The following R3HCC1L variants were observed in gnomAD, a reference collection of about 807,000 sequenced individuals.
R3HCC1L encodes R3H domain and coiled-coil containing 1 like.
A neutral mutation model predicts 59.9 loss-of-function variants in R3HCC1L; 51 were observed. That is an observed-to-expected ratio of 0.85 (90% CI 0.68 to 1.07). The LOEUF (loss-of-function observed/expected upper bound fraction) is 1.07. Among genes scored for constraint, R3HCC1L ranks in the 50% least tolerant of loss-of-function variants. The pLI is 0.00. For synonymous variants in R3HCC1L, 322 were observed against 315.2 expected (o/e 1.02, Z -0.23); for missense variants, 965 against 933.0 (o/e 1.03, Z -0.45).
chr10:98,210,550 T>G (rs552424043), intron 5 of R3HCC1L, among the ~76,000 whole-genome samples: 1 of 152,326 alleles, frequency 6.6e-6, no homozygotes, highest in African/African-American at 2.4e-5. Context: ...GTATCCAACA[T>G]TTAAATTCCT....
chr10:98,228,159 C>T (rs1301204556), intron 5 of R3HCC1L, among the ~76,000 whole-genome samples: 3 of 152,204 alleles, frequency 2.0e-5, no homozygotes, highest in Non-Finnish European at 4.4e-5. Flanking sequence ...AATTGCCACA[C>T]TGTCTTCCAC....
intron 4 of R3HCC1L, among the ~76,000 whole-genome samples, chr10:98,177,577 C>G (rs1034597062): frequency 2.6e-5 from 4 of 152,216 alleles, no homozygotes; most frequent in African/African-American, 9.7e-5. Flanking sequence ...AATGGTATTT[C>G]TAGTTCTAGA....
At chr10:98,166,501 G>A (rs1282384789) in intron 4 of R3HCC1L, among the ~76,000 whole-genome samples, 2 of 152,076 alleles carry the variant, frequency 1.3e-5, no homozygotes, top group Non-Finnish European at 2.9e-5. Flanking sequence ...CCTCAGTTCT[G>A]TGTCTGAACT....
chr10:98,217,356 T>C (rs144750778), intron 5 of R3HCC1L, among the ~76,000 whole-genome samples: 1 of 152,296 alleles, frequency 6.6e-6, no homozygotes, highest in African/African-American at 2.4e-5. Context: ...GGTTCTCTAT[T>C]CTGTTCCATT....
intron 4 of R3HCC1L, chr10:98,174,405 A>C: frequency 3.9e-6 from 2 of 510,408 alleles, no homozygotes; most frequent in Non-Finnish European, 5.0e-6. Flanking sequence ...ATTTAAAATC[A>C]GTTCTTACAT....
intron 5 of R3HCC1L, among the ~76,000 whole-genome samples, 167 bp from the exon 6 acceptor site, chr10:98,231,345 A>G (rs1241084632): frequency 6.6e-6 from 1 of 152,194 alleles, no homozygotes; most frequent in African/African-American, 2.4e-5. Flanking sequence ...GGCGATAAGC[A>G]CCTGATCATT....
intron 5 of R3HCC1L, among the ~76,000 whole-genome samples, chr10:98,223,278 G>C (rs2147891): frequency 0.96 from 145,647 of 152,178 alleles, 70,004 homozygotes; most frequent in East Asian, 1. Flanking sequence ...AACATTGATG[G>C]AAAAATCCTC....
chr10:98,174,539 A>G (rs1337737332), intron 4 of R3HCC1L: 1 of 918,770 alleles, frequency 1.1e-6, no homozygotes. Context: ...TTGAATAAGA[A>G]TATAAAGGAG....
intron 4 of R3HCC1L, among the ~76,000 whole-genome samples, chr10:98,171,655 G>A (rs1467524618): frequency 1.3e-5 from 2 of 152,162 alleles, no homozygotes; most frequent in Admixed American, 6.5e-5. Context: ...GAAACATTAT[G>A]AGAAGAAGTC....
intron 1 of R3HCC1L, among the ~76,000 whole-genome samples, chr10:98,135,864 G>A (rs1844523050): frequency 6.6e-6 from 1 of 152,168 alleles, no homozygotes; most frequent in African/African-American, 2.4e-5. Context: ...CCTGTCCCCA[G>A]CAGGTCTTGT....
chr10:98,216,298 G>A (rs542026791), intron 5 of R3HCC1L, among the ~76,000 whole-genome samples: 1 of 152,202 alleles, frequency 6.6e-6, no homozygotes, highest in Non-Finnish European at 1.5e-5. Flanking sequence ...TGGATCGCTT[G>A]AGTGCAGGAG....
At chr10:98,193,906 A>AT (rs1851125267) in intron 4 of R3HCC1L, among the ~76,000 whole-genome samples, 2 of 152,148 alleles carry the variant, frequency 1.3e-5, no homozygotes, top group Admixed American at 1.3e-4. Flanking sequence ...TAAAATGTCC[A>AT]TACTGTCCAG....
intron 5 of R3HCC1L, among the ~76,000 whole-genome samples, chr10:98,221,591 A>C (rs538117602): frequency 0.18 from 27,186 of 150,558 alleles, 2,441 homozygotes; most frequent in Middle Eastern, 0.2. Context: ...TCAGCTTTCT[A>C]CATATGGCTA....
At chr10:98,189,613 G>C (rs1310270326) in intron 4 of R3HCC1L, among the ~76,000 whole-genome samples, 1 of 151,886 alleles carries the variant, frequency 6.6e-6, no homozygotes, top group Non-Finnish European at 1.5e-5. Flanking sequence ...TGTATAACCT[G>C]GTTTGAATAG....
intron 1 of R3HCC1L, among the ~76,000 whole-genome samples, chr10:98,154,220 T>C (rs1846602334): frequency 6.8e-6 from 1 of 147,090 alleles, no homozygotes; most frequent in African/African-American, 2.5e-5. Context: ...AAGAGCATAG[T>C]GAGTAATAGT....
intron 5 of R3HCC1L, among the ~76,000 whole-genome samples, chr10:98,211,835 G>A (rs531391604): frequency 6.6e-6 from 1 of 152,244 alleles, no homozygotes; most frequent in Admixed American, 6.5e-5. Flanking sequence ...AAGAGGGGGA[G>A]TTCAGGTGTA....
chr10:98,173,214 A>G (rs985337873), intron 4 of R3HCC1L, among the ~76,000 whole-genome samples: 1 of 152,138 alleles, frequency 6.6e-6, no homozygotes, highest in Non-Finnish European at 1.5e-5. Flanking sequence ...TTAGGCTCTG[A>G]ATAATTGGTT....
At chr10:98,197,505 T>A (rs910505014) in intron 4 of R3HCC1L, among the ~76,000 whole-genome samples, 1 of 152,182 alleles carries the variant, frequency 6.6e-6, no homozygotes, top group African/African-American at 2.4e-5. Flanking sequence ...GTTTGTTGAT[T>A]GATTGATTGT....
chr10:98,227,540 T>A (rs1201393187), intron 5 of R3HCC1L, among the ~76,000 whole-genome samples: 2 of 151,006 alleles, frequency 1.3e-5, no homozygotes, highest in Non-Finnish European at 2.9e-5. Flanking sequence ...AAATATTATC[T>A]AAGGATCTGG....
Sources: gnomAD v4.1 joint callset for allele counts (sites outside exome capture counted in the v4.1 genomes callset) on GRCh38, gnomAD v4.1.1 for gene constraint, MANE v1.5 for transcripts, NCBI Gene and HGNC (gene_info 2026-07-23, HGNC 2026-07-21) for gene names.